Variants in RBFOX1 observed in about 807,000 individuals in gnomAD.
RBFOX1 encodes the protein RNA binding protein fox-1 homolog 1.
A neutral mutation model predicts 57.7 loss-of-function variants in RBFOX1; 8 were observed. The ratio of observed to expected loss-of-function variants is 0.14; its 90% CI spans 0.08 to 0.25. RBFOX1 has a LOEUF of 0.25. Ranked by LOEUF, RBFOX1 falls within the 10% of genes least tolerant of loss-of-function variation. The pLI, the probability that RBFOX1 is intolerant of heterozygous loss-of-function variation, is 1.00. For missense variants in RBFOX1, 611 were observed against 548.5 expected, an observed-to-expected ratio of 1.11 and a Z score of -1.14; for synonymous variants, 326 against 222.4, an observed-to-expected ratio of 1.47 and a Z score of -4.15.
intron 13 of RBFOX1, among the ~76,000 whole-genome samples, chr16:7,670,205 G>C (rs942898034): frequency 1.3e-5 from 2 of 152,012 alleles, no homozygotes; most frequent in Non-Finnish European, 2.9e-5. Flanking sequence ...CTAATTTTTG[G>C]ATCCTTAGTA....
intron 3 of RBFOX1, among the ~76,000 whole-genome samples, chr16:6,799,757 G>A (rs1025301645): frequency 1.3e-5 from 2 of 152,070 alleles, no homozygotes; most frequent in African/African-American, 4.8e-5. Context: ...CAGCCTCCAG[G>A]TTCTTTAGCC....
chr16:7,210,146 GATA>G (rs758160738), intron 4 of RBFOX1, among the ~76,000 whole-genome samples: 16 of 152,168 alleles, frequency 1.1e-4, no homozygotes, highest in Non-Finnish European at 2.4e-4. Flanking sequence ...CAATAAGGGT[GATA>G]ATGATGATGA....
At chr16:6,919,652 G>C (rs998456236) in intron 3 of RBFOX1, among the ~76,000 whole-genome samples, 1 of 151,526 alleles carries the variant, frequency 6.6e-6, no homozygotes, top group Non-Finnish European at 1.5e-5. Flanking sequence ...TTGATGGAGA[G>C]ATAAAAATCC....
chr16:5,386,343 T>C (rs2066255459), intron 1 of RBFOX1, among the ~76,000 whole-genome samples: 1 of 152,000 alleles, frequency 6.6e-6, no homozygotes, highest in East Asian at 1.9e-4. Flanking sequence ...CCTGAGAGCA[T>C]TGCATCTCAA....
intron 4 of RBFOX1, among the ~76,000 whole-genome samples, chr16:7,177,026 C>T (rs962958097): frequency 2.0e-5 from 3 of 152,094 alleles, no homozygotes; most frequent in African/African-American, 7.2e-5. Context: ...TCATTGAGCA[C>T]AAAATTCAGG....
At chr16:5,899,210 C>A (rs190115372) in intron 4 of RBFOX1, among the ~76,000 whole-genome samples, 3 of 150,378 alleles carry the variant, frequency 2.0e-5, no homozygotes, top group Admixed American at 2.0e-4. Context: ...AGACACTCTT[C>A]AGGTGTTGAT....
At chr16:6,459,736 G>A (rs1361097433) in intron 2 of RBFOX1, among the ~76,000 whole-genome samples, 2 of 151,882 alleles carry the variant, frequency 1.3e-5, no homozygotes, top group African/African-American at 4.8e-5. Context: ...CAGCACTTTG[G>A]GAGGCTGAGG....
intron 3 of RBFOX1, among the ~76,000 whole-genome samples, chr16:5,749,345 T>C (rs536853660): frequency 1.3e-5 from 2 of 152,324 alleles, no homozygotes; most frequent in East Asian, 3.9e-4. Context: ...TTATTTGTCT[T>C]GGAGTTGCTC....
chr16:5,546,184 A>G (rs2045197887), intron 2 of RBFOX1, among the ~76,000 whole-genome samples: 1 of 152,184 alleles, frequency 6.6e-6, no homozygotes, highest in Non-Finnish European at 1.5e-5. Flanking sequence ...AGAACTAAAT[A>G]AATGGAGAGA....
chr16:5,659,261 G>C (rs2049564402), intron 3 of RBFOX1, among the ~76,000 whole-genome samples: 1 of 149,596 alleles, frequency 6.7e-6, no homozygotes, highest in South Asian at 2.1e-4. Context: ...GATGATTACT[G>C]ATGTTGGACA....
intron 2 of RBFOX1, among the ~76,000 whole-genome samples, chr16:6,465,172 C>G (rs2095016971): frequency 6.6e-6 from 1 of 152,012 alleles, no homozygotes; most frequent in South Asian, 2.1e-4. Context: ...AGGTTTTTAC[C>G]CATGCAAAGT....
In RBFOX1 at chr16:7,510,365, T is replaced by A. The variant is rs1322621205; in HGVS notation, c.28-7782T>A. 9.2e-6 allele frequency: 9 copies of A among 980,530 alleles called. No individual in the cohort carries two copies. In the African/African-American group the frequency reaches 1.6e-4, roughly 17 times the overall value. The allele number at this position is 980,530 out of a possible 1,614,324, so 60.7% of individuals were successfully genotyped here. On this transcript the variant is annotated intron_variant, in intron 4 of 15. Transcript: ENST00000550418. ...CTTTCACTCAAAATTGCGATTTGAATGAAGCTGAAAGCTTTTCTTGTGTTA... is the reference window on the plus strand; with the variant it reads ...CTTTCACTCAAAATTGCGATTTGAAAGAAGCTGAAAGCTTTTCTTGTGTTA...
chr16:5,877,789 A>G (rs774546451), intron 4 of RBFOX1, among the ~76,000 whole-genome samples: 6 of 152,206 alleles, frequency 3.9e-5, no homozygotes, highest in Non-Finnish European at 7.3e-5. Flanking sequence ...AAATGTTTAG[A>G]AATAGGGTGG....
chr16:5,306,764 T>TA (rs2151210633), intron 1 of RBFOX1, among the ~76,000 whole-genome samples: 1 of 152,320 alleles, frequency 6.6e-6, no homozygotes, highest in African/African-American at 2.4e-5. Flanking sequence ...TTTTATCTGT[T>TA]AGAGTCCCAG....
chr16:5,488,147 A>C (rs1026276950), intron 2 of RBFOX1, among the ~76,000 whole-genome samples: 2 of 129,884 alleles, frequency 1.5e-5, no homozygotes, highest in Non-Finnish European at 3.3e-5. Context: ...AATGGTGATG[A>C]TGATGGATAA....
chr16:7,433,710 C>A (rs1468988591), intron 4 of RBFOX1, among the ~76,000 whole-genome samples: 1 of 152,190 alleles, frequency 6.6e-6, no homozygotes, highest in Non-Finnish European at 1.5e-5. Flanking sequence ...TTCTGTCCAT[C>A]CATCTGTTCA....
intron 3 of RBFOX1, among the ~76,000 whole-genome samples, chr16:6,958,564 A>T (rs1384139148): frequency 2.6e-5 from 4 of 152,244 alleles, no homozygotes; most frequent in African/African-American, 7.2e-5. Context: ...AAGCCAAGGA[A>T]TTAAACAACC....
intron 3 of RBFOX1, among the ~76,000 whole-genome samples, chr16:7,023,162 AGGAG>A (rs1275222708): frequency 3.3e-5 from 5 of 152,250 alleles, no homozygotes; most frequent in African/African-American, 1.2e-4. Flanking sequence ...AGGCTGCAGA[AGGAG>A]GGAGGTAATG....
At chr16:6,549,481 G>T (rs866388873) in intron 2 of RBFOX1, among the ~76,000 whole-genome samples, 4 of 99,022 alleles carry the variant, frequency 4.0e-5, no homozygotes, top group Middle Eastern at 6.5e-3. Flanking sequence ...GAGGGAGGAG[G>T]AGGGGAAGAG....
Sources: allele counts gnomAD v4.1 joint callset (sites outside exome capture counted in the v4.1 genomes callset), GRCh38; gene constraint gnomAD v4.1.1; transcripts MANE v1.5; gene names NCBI Gene and HGNC (gene_info 2026-07-23, HGNC 2026-07-21).